Variants in ACAA2 observed in about 807,000 individuals in gnomAD.
The protein encoded by ACAA2 is acetyl-CoA acyltransferase 2, also known as 3-ketoacyl-CoA thiolase, mitochondrial.
A neutral mutation model predicts 44.8 loss-of-function variants in ACAA2; 35 were observed. The observed-to-expected ratio is 0.78, with a 90% confidence interval of 0.60 to 1.04. The LOEUF (loss-of-function observed/expected upper bound fraction) is 1.04. Ranked by LOEUF, ACAA2 falls within the 50% of genes least tolerant of loss-of-function variation. The probability of loss-of-function intolerance (pLI) is 0.00; values close to 1 mark genes in which losing one functional copy is unlikely to be tolerated. For synonymous variants in ACAA2, 142 were observed against 166.5 expected (o/e 0.85, Z 1.13); for missense variants, 468 against 482.6 (o/e 0.97, Z 0.28).
At chr18:49,784,011 C>CATTACTCATCCT in intron 9 of ACAA2, 80 bp from the exon 10 acceptor site, 1 of 1,130,872 alleles carries the variant, frequency 8.8e-7, no homozygotes, top group Non-Finnish European at 1.3e-6. Flanking sequence ...ATCACATCTG[C>CATTACTCATCCT]ATTACTCATC....
At position 49,802,726 on chromosome 18, in the gene ACAA2, A is replaced by T. The variant is rs759636562; in HGVS notation, c.144T>A (p.Pro48=). Residue 48 remains proline, a synonymous_variant, in exon 2 of 10, where the codon CCT becomes CCA. Transcript: ENST00000285093. ...KAALSAGKVS[P]ETVDSVIMGN... ...CCATAATCACACTGTCAACTGTTTC[A>T]GGTGAGACTTTGCCAGCAGACAAGG... 4 of 1,614,162 alleles carry T rather than the reference A, an allele frequency of 2.5e-6. No individual in the cohort carries two copies. The Admixed American group carries it at 6.7e-5, about 27-fold the overall frequency.
chr18:49,804,410 A>G (rs2023590327), intron 1 of ACAA2, among the ~76,000 whole-genome samples: 2 of 152,196 alleles, frequency 1.3e-5, no homozygotes, highest in South Asian at 4.1e-4. Flanking sequence ...TTTTACTCTT[A>G]GAAAAAAAAT....
rs2023279797 is a variant in ACAA2 at position 49,782,611 on chromosome 18, G to A, written c.*1236C>T. 6.7e-6 allele frequency: 1 copy of A among 149,646 alleles called. No individual in the cohort carries two copies. Among genetic ancestry groups the A allele is most frequent in the African/African-American group, 2.5e-5 (1 of 40,588 alleles). The allele number at this position is 149,646 out of a possible 1,614,324, so 9.3% of individuals were successfully genotyped here. ...CTGTAATCCCAGCACTTCTTTGGGAGGCCGAGGCGGGTGGATCACGAGGTC... is the reference window on the plus strand; with the variant it reads ...CTGTAATCCCAGCACTTCTTTGGGAAGCCGAGGCGGGTGGATCACGAGGTC... On this transcript the variant is annotated 3_prime_UTR_variant, in exon 10 of 10. Coordinates refer to ENST00000285093, the MANE Select transcript of ACAA2 (RefSeq NM_006111.3).
chr18:49,798,795 C>T (rs1309447434), intron 2 of ACAA2, among the ~76,000 whole-genome samples: 1 of 151,962 alleles, frequency 6.6e-6, no homozygotes, highest in African/African-American at 2.4e-5. Context: ...AAATTAATGT[C>T]ATTAAAAAAA....
At chr18:49,802,560 C>CAAAAAAA (rs74176744) in intron 2 of ACAA2, 127 bp downstream of exon 2, 5 of 594,274 alleles carry the variant, frequency 8.4e-6, no homozygotes, top group African/African-American at 2.5e-5. Flanking sequence ...GACTCCATCT[C>CAAAAAAA]AAAAAAAAAA....
rs1008796469 is a variant in ACAA2, at chr18:49,795,076, T to C, written c.430-649A>G. On this transcript the variant is annotated intron_variant, in intron 4 of 9. Coordinates refer to ENST00000285093, the MANE Select transcript of ACAA2 (RefSeq NM_006111.3). Reference sequence around the variant, plus strand: ...ATGTGTTTGGTGGCTAAAATCCGCATAGATTCTCTTAAGTCCCATTCCTTT... The same window carrying C: ...ATGTGTTTGGTGGCTAAAATCCGCACAGATTCTCTTAAGTCCCATTCCTTT... Among the ~76,000 whole-genome samples the C allele has an allele frequency of 7.9e-5, 12 of 152,312 alleles. No homozygotes were observed. The East Asian group carries it at 1.7e-3, about 22-fold the overall frequency.
chr18:49,794,213 G>T, intron 5 of ACAA2, 67 bp downstream of exon 5: 1 of 1,182,836 alleles, frequency 8.5e-7, no homozygotes, highest in South Asian at 2.4e-5. Context: ...AACCATAATA[G>T]AAATGATGAA....
intron 1 of ACAA2, among the ~76,000 whole-genome samples, chr18:49,809,798 G>A (rs1430837355): frequency 7.9e-5 from 12 of 152,112 alleles, no homozygotes; most frequent in East Asian, 1.9e-4. Flanking sequence ...TACTGACATC[G>A]GTCATTTGCA....
chr18:49,792,571 A>C (rs893022345), intron 5 of ACAA2, among the ~76,000 whole-genome samples: 1 of 152,036 alleles, frequency 6.6e-6, no homozygotes, highest in East Asian at 1.9e-4. Flanking sequence ...CAGCCTCCCC[A>C]GTAGCTGGGA....
chr18:49,810,549 A>T (rs2023657200), intron 1 of ACAA2, among the ~76,000 whole-genome samples: 2 of 152,162 alleles, frequency 1.3e-5, no homozygotes, highest in African/African-American at 4.8e-5. Flanking sequence ...AACAAAAAAA[A>T]ACCTCCCCTT....
chr18:49,801,388 GA>G (rs1350662797), intron 2 of ACAA2, among the ~76,000 whole-genome samples: 4 of 151,920 alleles, frequency 2.6e-5, no homozygotes, highest in South Asian at 4.2e-4. Context: ...TACATGCTGG[GA>G]AAAAAATATT....
At chr18:49,785,129 G>C in intron 9 of ACAA2, 68 bp downstream of exon 9, 1 of 1,555,576 alleles carries the variant, frequency 6.4e-7, no homozygotes, top group Non-Finnish European at 8.7e-7. Context: ...AGTGTTCTGG[G>C]GAAGCCTAAA....
rs1192064634 is a variant in ACAA2, at chr18:49,787,278, A to C, written c.954+13T>G. On this transcript the variant is annotated intron_variant, in intron 8 of 9. Transcript: ENST00000285093. ...ATGTTGTTAAAAAAAAAAAAAAAAA[A>C]AAAAACACTTACCTCTACCAAATCC... 2.0e-5 allele frequency: 30 copies of C among 1,465,796 alleles called. No individual in the cohort carries two copies. In the East Asian group the frequency reaches 5.4e-4, roughly 26 times the overall value. The allele number at this position is 1,465,796 out of a possible 1,614,324, so 90.8% of individuals were successfully genotyped here. A position where few individuals can be genotyped will look rare whatever the true frequency, so the allele number is the denominator to read the frequency against.
chr18:49,803,685 T>C (rs772867765), intron 1 of ACAA2, among the ~76,000 whole-genome samples: 7 of 152,170 alleles, frequency 4.6e-5, no homozygotes, highest in Non-Finnish European at 8.8e-5. Context: ...ATCCTTCTTC[T>C]ATGTGCTGGA....
Position 49,802,811 on chromosome 18 carries a change from T to G in ACAA2, c.59A>C (p.Tyr20Ser). ...AGTGAAGTCTTTCAGAAGGCCTCCGTAAGCTCCAAAGGGCGTTCGCTTAGC... is the reference window on the plus strand; with the variant it reads ...AGTGAAGTCTTTCAGAAGGCCTCCGGAAGCTCCAAAGGGCGTTCGCTTAGC... ...VAAKRTPFGAYGGLLKDFTAT... is the reference protein window; with the variant it reads ...VAAKRTPFGASGGLLKDFTAT... The change falls in exon 2 of 10, where the codon TAC (tyrosine) becomes TCC (serine). Residue 20 changes from tyrosine to serine, a missense_variant. Transcript: ENST00000285093. The G allele has an allele frequency of 6.2e-7, 1 of 1,614,162 alleles. No individual in the cohort carries two copies.
At position 49,795,848 on chromosome 18, in the gene ACAA2, A is replaced by T. The variant is rs770665537; in HGVS notation, c.346T>A (p.Cys116Ser). The change falls in exon 4 of 10, where the codon TGT (cysteine) becomes AGT (serine). Residue 116 changes from cysteine (C) to serine (S), a missense_variant. Coordinates refer to ENST00000285093, the MANE Select transcript of ACAA2 (RefSeq NM_006111.3). The part of the protein sequence containing the change: ...ICVKEAEVVL[C>S]GGTESMSQAP... ...TGGCTCATGCTTTCGGTTCCTCCACATAAAACAACTTCAGCTTCTTTAACA... is the reference window on the plus strand; with the variant it reads ...TGGCTCATGCTTTCGGTTCCTCCACTTAAAACAACTTCAGCTTCTTTAACA... 11 of 1,612,252 alleles carry T rather than the reference A, an allele frequency of 6.8e-6. No individual in the cohort carries two copies. In the African/African-American group the frequency reaches 1.5e-4, roughly 22 times the overall value.
Position 49,795,891 on chromosome 18 carries a change from A to T in ACAA2, c.313-10T>A. On this transcript the variant is annotated splice_polypyrimidine_tract_variant and intron_variant, in intron 3 of 9. Transcript: ENST00000285093. ...CTTTAACACAAATTTCCTATTTAAA[A>T]ACAAACAGTAATAAAAACTCCTTTT... The T allele has an allele frequency of 6.4e-7, 1 of 1,562,288 alleles. No homozygotes were observed. Among genetic ancestry groups the T allele is most frequent in the East Asian group, 2.2e-5 (1 of 44,526 alleles).
At chr18:49,800,772 G>T (rs1043453290) in intron 2 of ACAA2, among the ~76,000 whole-genome samples, 1 of 151,850 alleles carries the variant, frequency 6.6e-6, no homozygotes, top group African/African-American at 2.4e-5. Context: ...GAAGGCCGCA[G>T]GGTCCTCTGC....
chr18:49,786,844 G>T (rs1490007216), intron 8 of ACAA2, among the ~76,000 whole-genome samples: 6 of 152,068 alleles, frequency 3.9e-5, no homozygotes, highest in Admixed American at 3.9e-4. Flanking sequence ...TACAACTATC[G>T]TATAAAAGCC....
Sources: allele counts gnomAD v4.1 joint callset (sites outside exome capture counted in the v4.1 genomes callset), GRCh38; gene constraint gnomAD v4.1.1; transcripts MANE v1.5; gene names NCBI Gene and HGNC (gene_info 2026-07-23, HGNC 2026-07-21).